HS6ST3: variants seen among roughly 807,000 people sequenced by gnomAD.
The protein encoded by HS6ST3 is heparan-sulfate 6-O-sulfotransferase 3.
A neutral mutation model predicts 36.7 loss-of-function variants in HS6ST3; 12 were observed. The ratio of observed to expected loss-of-function variants is 0.33; its 90% CI spans 0.21 to 0.53. The LOEUF is 0.53. Among genes scored for constraint, HS6ST3 ranks in the 20% least tolerant of loss-of-function variants. The pLI, the probability that HS6ST3 is intolerant of heterozygous loss-of-function variation, is 0.95. For synonymous variants in HS6ST3, 240 were observed against 257.5 expected, an observed-to-expected ratio of 0.93 and a Z score of 0.65; for missense variants, 584 against 640.9, an observed-to-expected ratio of 0.91 and a Z score of 0.96.
chr13:96,264,020 C>T (rs768045832), intron 1 of HS6ST3, among the ~76,000 whole-genome samples: 1 of 152,184 alleles, frequency 6.6e-6, no homozygotes, highest in Non-Finnish European at 1.5e-5. Context: ...TAGGAGCCAG[C>T]CAGGGTGAGG....
At chr13:96,368,166 T>C (rs1056219166) in intron 1 of HS6ST3, among the ~76,000 whole-genome samples, 2 of 152,168 alleles carry the variant, frequency 1.3e-5, no homozygotes, top group Admixed American at 1.3e-4. Flanking sequence ...ATTGTGTGCA[T>C]AATAGTTCAC....
chr13:96,708,390 C>G (rs1260514503), intron 1 of HS6ST3, among the ~76,000 whole-genome samples: 1 of 152,136 alleles, frequency 6.6e-6, no homozygotes, highest in Non-Finnish European at 1.5e-5. Context: ...CAAAGCATGT[C>G]CAACTTGAGA....
chr13:96,496,747 A>G (rs578087377), intron 1 of HS6ST3, among the ~76,000 whole-genome samples: 7 of 151,566 alleles, frequency 4.6e-5, no homozygotes, highest in African/African-American at 1.5e-4. Flanking sequence ...ACACGTTGCT[A>G]TTTTTTTTTA....
At chr13:96,483,011 G>A (rs2055896919) in intron 1 of HS6ST3, among the ~76,000 whole-genome samples, 1 of 152,134 alleles carries the variant, frequency 6.6e-6, no homozygotes, top group Non-Finnish European at 1.5e-5. Context: ...CCTTGTGCCA[G>A]ATACTAGGTG....
intron 1 of HS6ST3, among the ~76,000 whole-genome samples, chr13:96,246,353 G>A (rs1940000077): frequency 6.6e-6 from 1 of 152,114 alleles, no homozygotes; most frequent in African/African-American, 2.4e-5. Context: ...AGAAAATTAG[G>A]TTAGCTATCA....
intron 1 of HS6ST3, among the ~76,000 whole-genome samples, chr13:96,212,562 A>T (rs1035078888): frequency 6.6e-6 from 1 of 152,236 alleles, no homozygotes; most frequent in Non-Finnish European, 1.5e-5. Flanking sequence ...TTGGAAGTCC[A>T]GGCACCTTGG....
intron 1 of HS6ST3, among the ~76,000 whole-genome samples, chr13:96,641,833 T>C (rs1301577847): frequency 2.0e-5 from 3 of 151,916 alleles, no homozygotes; most frequent in African/African-American, 7.2e-5. Context: ...AAAGAAATTA[T>C]ATATTTACCC....
intron 1 of HS6ST3, among the ~76,000 whole-genome samples, chr13:96,407,179 G>A (rs777022976): frequency 3.9e-5 from 6 of 152,130 alleles, no homozygotes; most frequent in Non-Finnish European, 7.4e-5. Context: ...TATTCTTTGC[G>A]AAATTTTAAG....
At chr13:96,244,795 A>G (rs1419214499) in intron 1 of HS6ST3, among the ~76,000 whole-genome samples, 1 of 152,184 alleles carries the variant, frequency 6.6e-6, no homozygotes, top group African/African-American at 2.4e-5. Context: ...GTGGCCTATA[A>G]CAGAAGTCTG....
At chr13:96,283,597 G>T (rs2054785948) in intron 1 of HS6ST3, among the ~76,000 whole-genome samples, 1 of 151,970 alleles carries the variant, frequency 6.6e-6, no homozygotes, top group Admixed American at 6.6e-5. Flanking sequence ...ATATAGTTTT[G>T]TCACCTACAC....
intron 1 of HS6ST3, among the ~76,000 whole-genome samples, chr13:96,735,752 TG>T (rs1177362421): frequency 7.2e-5 from 11 of 152,172 alleles, no homozygotes; most frequent in African/African-American, 2.7e-4. Flanking sequence ...GTATCTATCA[TG>T]TAAAAAAGTT....
intron 1 of HS6ST3, among the ~76,000 whole-genome samples, chr13:96,649,683 T>C (rs1318114628): frequency 2.0e-5 from 3 of 152,032 alleles, no homozygotes; most frequent in African/African-American, 7.2e-5. Context: ...CCCACTTGGA[T>C]TATGGTAGAA....
At chr13:96,462,853 T>A (rs2055791837) in intron 1 of HS6ST3, among the ~76,000 whole-genome samples, 1 of 152,214 alleles carries the variant, frequency 6.6e-6, no homozygotes, top group African/African-American at 2.4e-5. Flanking sequence ...GCACCAAGAA[T>A]TTGGTGTAGC....
intron 1 of HS6ST3, among the ~76,000 whole-genome samples, chr13:96,702,332 T>A (rs1875310105): frequency 6.6e-6 from 1 of 152,242 alleles, no homozygotes; most frequent in Admixed American, 6.5e-5. Flanking sequence ...TTATTTATAG[T>A]CTCTGGGGCC....
intron 1 of HS6ST3, among the ~76,000 whole-genome samples, chr13:96,683,525 G>A (rs948909821): frequency 3.3e-5 from 5 of 151,796 alleles, no homozygotes; most frequent in Non-Finnish European, 5.9e-5. Flanking sequence ...TTTATTTTTG[G>A]CACTTCGTCT....
At chr13:96,699,433 G>C (rs1875225816) in intron 1 of HS6ST3, among the ~76,000 whole-genome samples, 2 of 152,170 alleles carry the variant, frequency 1.3e-5, no homozygotes, top group Non-Finnish European at 2.9e-5. Flanking sequence ...ACAAGTGGGT[G>C]AAGGATATGA....
chr13:96,419,318 A>T (rs988168602), intron 1 of HS6ST3, among the ~76,000 whole-genome samples: 1 of 152,202 alleles, frequency 6.6e-6, no homozygotes, highest in Admixed American at 6.5e-5. Context: ...GAAGCTGCAT[A>T]AAAGTGTAGG....
chr13:96,571,433 G>A (rs914478274), intron 1 of HS6ST3, among the ~76,000 whole-genome samples: 7 of 152,120 alleles, frequency 4.6e-5, no homozygotes, highest in African/African-American at 1.7e-4. Context: ...ATATCAGCAA[G>A]CAAACAGCAA....
chr13:96,828,875 A>G (rs148640126), intron 1 of HS6ST3, among the ~76,000 whole-genome samples: 3 of 152,292 alleles, frequency 2.0e-5, no homozygotes, highest in African/African-American at 7.2e-5. Flanking sequence ...TTTTTTTCTA[A>G]ATGGTATAGG....
Sources: allele counts gnomAD v4.1 joint callset (sites outside exome capture counted in the v4.1 genomes callset), GRCh38; gene constraint gnomAD v4.1.1; transcripts MANE v1.5; gene names NCBI Gene and HGNC (gene_info 2026-07-23, HGNC 2026-07-21).